The following SPSB4 variants were observed in gnomAD, a reference collection of about 807,000 sequenced individuals.
The protein encoded by SPSB4 is splA/ryanodine receptor domain and SOCS box containing 4, also known as SPRY domain-containing SOCS box protein 4.
In SPSB4, 21 loss-of-function variants were observed where a neutral mutation model predicts 20.9. The ratio of observed to expected loss-of-function variants is 1.01; its 90% CI spans 0.71 to 1.45. The LOEUF is 1.45. SPSB4 is among the 40% of genes most tolerant of loss of function. The pLI, the probability that SPSB4 is intolerant of heterozygous loss-of-function variation, is 0.00. For missense variants in SPSB4, 399 were observed against 399.2 expected, an observed-to-expected ratio of 1.00 and a Z score of 0.00; for synonymous variants, 207 against 183.8, an observed-to-expected ratio of 1.13 and a Z score of -1.02.
intron 2 of SPSB4, among the ~76,000 whole-genome samples, chr3:141,072,885 T>A (rs1938033064): frequency 6.6e-6 from 1 of 152,224 alleles, no homozygotes; most frequent in South Asian, 2.1e-4. Context: ...ACAGATAATT[T>A]TTAGATCATA....
At chr3:141,085,905 G>T (rs1157072641) in intron 2 of SPSB4, among the ~76,000 whole-genome samples, 1 of 152,248 alleles carries the variant, frequency 6.6e-6, no homozygotes, top group Non-Finnish European at 1.5e-5. Flanking sequence ...CGGAATTTAG[G>T]TGAAGGGTTT....
In SPSB4 at chr3:141,066,641, G is replaced by A; in HGVS notation, c.537G>A (p.Val179=). 5 of 1,611,888 alleles carry A rather than the reference G, an allele frequency of 3.1e-6. No individual in the cohort carries two copies. Among genetic ancestry groups the A allele is most frequent in the Non-Finnish European group, 4.2e-6 (5 of 1,179,036 alleles). ...EAFALPDSLL[V]VLDMDEGTLS... is the part of the protein sequence containing the mutation. ...TTGCGCTGCCCGACTCGCTGCTCGT[G>A]GTGCTGGACATGGATGAGGGCACAC... The change falls in exon 2 of 3, where the codon GTG becomes GTA. Residue 179 remains valine (V), a synonymous_variant. Coordinates refer to ENST00000310546, the MANE Select transcript of SPSB4 (RefSeq NM_080862.3).
At chr3:141,129,468 G>C (rs148754912) in intron 2 of SPSB4, among the ~76,000 whole-genome samples, 2 of 152,206 alleles carry the variant, frequency 1.3e-5, no homozygotes, top group Non-Finnish European at 1.5e-5. Flanking sequence ...TACTGGTCTC[G>C]TTGCTTGATT....
intron 2 of SPSB4, among the ~76,000 whole-genome samples, chr3:141,128,315 T>G (rs956080045): frequency 6.6e-6 from 1 of 150,696 alleles, no homozygotes; most frequent in Non-Finnish European, 1.5e-5. Context: ...TGTGGAGGAG[T>G]CATCAGGGCG....
At chr3:141,059,459 G>A (rs1937722919) in intron 1 of SPSB4, among the ~76,000 whole-genome samples, 1 of 146,090 alleles carries the variant, frequency 6.8e-6, no homozygotes, top group Admixed American at 6.9e-5. Flanking sequence ...GGTGAAGGAG[G>A]AGAAGGCATG....
chr3:141,063,806 G>A (rs1937812784), intron 1 of SPSB4, among the ~76,000 whole-genome samples: 1 of 152,378 alleles, frequency 6.6e-6, no homozygotes, highest in South Asian at 2.1e-4. Flanking sequence ...CACATGTGGA[G>A]GAGGTACCAA....
chr3:141,086,591 G>A (rs1234858530), intron 2 of SPSB4, among the ~76,000 whole-genome samples: 1 of 152,232 alleles, frequency 6.6e-6, no homozygotes, highest in East Asian at 1.9e-4. Context: ...GATCCAACAG[G>A]TCTGGGATAA....
At position 141,111,354 on chromosome 3, in the gene SPSB4, C is replaced by T. The variant is rs1234677446; in HGVS notation, c.695-35788C>T. ...CCTAATTACTAAACCCTGGAACTTG[C>T]TTTTTTTTTTTTTTTTTTTTTTTTT... On this transcript the variant is annotated intron_variant, in intron 2 of 2. Coordinates refer to ENST00000310546, the MANE Select transcript of SPSB4 (RefSeq NM_080862.3). Among the ~76,000 whole-genome samples, 584 of 61,672 alleles carry T rather than the reference C, an allele frequency of 9.5e-3. 5 individuals are homozygous for T. The highest frequency in any genetic ancestry group is 0.053 in the Middle Eastern group (2 of 38). 40.5% of individuals were successfully genotyped at this position (61,672 alleles called of 152,430 possible).
At chr3:141,062,514 A>G (rs868684606) in intron 1 of SPSB4, among the ~76,000 whole-genome samples, 1 of 152,188 alleles carries the variant, frequency 6.6e-6, no homozygotes, top group Non-Finnish European at 1.5e-5. Context: ...GCATAAATAT[A>G]TCAGCCATGA....
chr3:141,119,155 T>G (rs973364998), intron 2 of SPSB4, among the ~76,000 whole-genome samples: 11 of 152,228 alleles, frequency 7.2e-5, no homozygotes, highest in African/African-American at 2.4e-4. Flanking sequence ...TTGTGTCCTC[T>G]TTTATTTCAT....
rs755771329 is a variant in SPSB4 at position 141,076,656 on chromosome 3, T to C, written c.694+9858T>C. ...AGGGACATGAAGAGCCAGCAGTTGC[T>C]TGGGGGGTGTCTGTCCCGAACTTGA... On this transcript the variant is annotated intron_variant, in intron 2 of 2. Transcript: ENST00000310546. 4.8e-4 allele frequency among the ~76,000 whole-genome samples: 73 copies of C among 152,202 alleles called. 1 individual carries two copies. Among genetic ancestry groups the C allele is most frequent in the Admixed American group, 5.2e-4 (8 of 15,276 alleles).
At chr3:141,132,491 T>A (rs1939151672) in intron 2 of SPSB4, among the ~76,000 whole-genome samples, 1 of 152,186 alleles carries the variant, frequency 6.6e-6, no homozygotes, top group Admixed American at 6.5e-5. Context: ...TGACTTTGCA[T>A]CCTCATACCT....
At chr3:141,092,760 C>T (rs915891681) in intron 2 of SPSB4, among the ~76,000 whole-genome samples, 2 of 152,350 alleles carry the variant, frequency 1.3e-5, no homozygotes, top group South Asian at 2.1e-4. Flanking sequence ...GGCAACATTC[C>T]CTGCACGGGA....
In SPSB4 at chr3:141,066,594, T is replaced by C; in HGVS notation, c.490T>C (p.Phe164Leu). The change falls in exon 2 of 3, where the codon TTT becomes CTT. Residue 164 changes from phenylalanine to leucine, a missense_variant. By Grantham distance (22) the Phe-to-Leu change is conservative. Transcript: ENST00000310546. ...KNQPGVAYPA[F>L]LGPDEAFALP... Reference sequence around the variant, plus strand: ...CCAGCCCGGCGTGGCCTACCCGGCCTTTCTGGGGCCCGACGAGGCCTTTGC... The same window carrying C: ...CCAGCCCGGCGTGGCCTACCCGGCCCTTCTGGGGCCCGACGAGGCCTTTGC... The C allele has an allele frequency of 6.3e-7, 1 of 1,575,528 alleles. No homozygotes were observed. Among genetic ancestry groups the C allele is most frequent in the Admixed American group, 1.8e-5 (1 of 55,038 alleles).
chr3:141,129,784 C>T (rs1384101938), intron 2 of SPSB4, among the ~76,000 whole-genome samples: 1 of 152,256 alleles, frequency 6.6e-6, no homozygotes. Flanking sequence ...GGAGGCTTCT[C>T]ACATCCTTGC....
intron 2 of SPSB4, among the ~76,000 whole-genome samples, chr3:141,112,169 C>A (rs535961245): frequency 6.6e-6 from 1 of 152,314 alleles, no homozygotes; most frequent in African/African-American, 2.4e-5. Flanking sequence ...TGGTGACCCC[C>A]CTGTGATCCA....
At chr3:141,092,671 T>C (rs990176873) in intron 2 of SPSB4, among the ~76,000 whole-genome samples, 33 of 152,182 alleles carry the variant, frequency 2.2e-4, no homozygotes, top group Non-Finnish European at 4.4e-5. Flanking sequence ...GCATGGGGGC[T>C]CAGGCTCTTG....
At chr3:141,096,824 C>A (rs945304642) in intron 2 of SPSB4, among the ~76,000 whole-genome samples, 3 of 152,096 alleles carry the variant, frequency 2.0e-5, no homozygotes, top group South Asian at 2.1e-4. Context: ...AGTTTTTGAA[C>A]CAATAAATTC....
intron 1 of SPSB4, among the ~76,000 whole-genome samples, chr3:141,057,066 G>A (rs141699485): frequency 3.7e-4 from 57 of 152,312 alleles, no homozygotes; most frequent in African/African-American, 9.9e-4. Context: ...ATTGATTCTC[G>A]CTCCAGGAAA....
Sources: gnomAD v4.1 joint callset for allele counts (sites outside exome capture counted in the v4.1 genomes callset) on GRCh38, gnomAD v4.1.1 for gene constraint, MANE v1.5 for transcripts, NCBI Gene and HGNC (gene_info 2026-07-23, HGNC 2026-07-21) for gene names.